Variants in SYTL3 observed in about 807,000 individuals in gnomAD.
The protein encoded by SYTL3 is synaptotagmin like 3, also known as synaptotagmin-like protein 3.
Under a neutral mutation model 82.1 loss-of-function variants are expected in SYTL3, and 88 were observed. The ratio of observed to expected loss-of-function variants is 1.07; its 90% confidence interval spans 0.90 to 1.28. The LOEUF is 1.28. SYTL3 is among the 50% of genes most tolerant of loss of function. The pLI is 0.00. For synonymous variants in SYTL3, 311 were observed against 289.4 expected, an observed-to-expected ratio of 1.07 and a Z score of -0.76; for missense variants, 831 against 757.6, an observed-to-expected ratio of 1.10 and a Z score of -1.14.
At chr6:158,702,795 T>C (rs973588427) in intron 6 of SYTL3, among the ~76,000 whole-genome samples, 1 of 151,974 alleles carries the variant, frequency 6.6e-6, no homozygotes, top group Non-Finnish European at 1.5e-5. Flanking sequence ...CAAAATCCGT[T>C]TTGTCACTTG....
At chr6:158,727,194 A>G (rs113430886) in intron 11 of SYTL3, among the ~76,000 whole-genome samples, 8,363 of 150,736 alleles carry the variant, frequency 0.055, 274 homozygotes, top group Middle Eastern at 0.072. Flanking sequence ...ATTTTTTGAG[A>G]TGGAGTCTTA....
chr6:158,739,994 C>CTTTT (rs35026438), intron 11 of SYTL3, among the ~76,000 whole-genome samples: 13,558 of 104,972 alleles, frequency 0.13, 1,164 homozygotes, highest in Non-Finnish European at 0.17. Context: ...AGGCAACTTA[C>CTTTT]TTTTTTTTTT....
chr6:158,730,628 G>A (rs186012056), intron 11 of SYTL3, among the ~76,000 whole-genome samples: 46 of 152,242 alleles, frequency 3.0e-4, no homozygotes, highest in Admixed American at 2.2e-3. Context: ...TCAGCAACGC[G>A]GAAAGAAAGC....
At chr6:158,763,958 C>T (rs1273746408) in intron 17 of SYTL3, among the ~76,000 whole-genome samples, 1 of 152,248 alleles carries the variant, frequency 6.6e-6, no homozygotes, top group Non-Finnish European at 1.5e-5. Flanking sequence ...CTGTGCCTGG[C>T]ACTGCTTCTG....
intron 6 of SYTL3, among the ~76,000 whole-genome samples, chr6:158,704,909 A>G (rs13210619): frequency 0.12 from 1,537 of 13,304 alleles, 37 homozygotes; most frequent in African/African-American, 0.23. Context: ...GGAGGGACCC[A>G]GGGCAGGGTG....
In SYTL3 at chr6:158,707,317, C is replaced by T. The variant is rs781362173; in HGVS notation, c.446+36C>T. Reference sequence around the variant, plus strand: ...CAAAGGACAGACCGTCCCTGGCCCTCCGGGGCAGGAGCGCAGAGGACACTC... The same window carrying T: ...CAAAGGACAGACCGTCCCTGGCCCTTCGGGGCAGGAGCGCAGAGGACACTC... On this transcript the variant is annotated intron_variant, in intron 7 of 17. Transcript: ENST00000611299. The T allele has an allele frequency of 1.1e-5, 18 of 1,604,236 alleles. No individual in the cohort carries two copies. In the East Asian group the frequency reaches 3.8e-4, roughly 34 times the overall value.
chr6:158,649,927 C>T (rs1290266298), upstream of SYTL3: 5 of 152,078 alleles, frequency 3.3e-5, no homozygotes, highest in African/African-American at 7.3e-5. Context: ...GAGTAGCCAC[C>T]GAGGCATGTA....
At chr6:158,683,551 A>G (rs577515730) in intron 6 of SYTL3, among the ~76,000 whole-genome samples, 2 of 152,268 alleles carry the variant, frequency 1.3e-5, no homozygotes, top group South Asian at 4.1e-4. Flanking sequence ...CTCGTGCACT[A>G]CAAGGTTTCC....
chr6:158,719,010 T>C (rs1783753731), intron 10 of SYTL3, among the ~76,000 whole-genome samples: 1 of 152,200 alleles, frequency 6.6e-6, no homozygotes. Context: ...ACACAGCCTC[T>C]TGAGAGTTCA....
chr6:158,693,450 C>T (rs553196074), intron 6 of SYTL3, among the ~76,000 whole-genome samples: 6 of 152,060 alleles, frequency 3.9e-5, no homozygotes, highest in Non-Finnish European at 7.4e-5. Flanking sequence ...TGCAGTGGTG[C>T]GATCTTGGCT....
intron 5 of SYTL3, among the ~76,000 whole-genome samples, chr6:158,680,751 CA>C (rs892828468): frequency 1.1e-4 from 17 of 151,856 alleles, no homozygotes; most frequent in Non-Finnish European, 2.5e-4. Flanking sequence ...GACCCTGTCT[CA>C]AAAAAAATTA....
At chr6:158,747,514 A>T (rs1787824623) in intron 12 of SYTL3, among the ~76,000 whole-genome samples, 1 of 152,098 alleles carries the variant, frequency 6.6e-6, no homozygotes, top group South Asian at 2.1e-4. Context: ...ACAGGAGTGG[A>T]GTGCAATGGC....
intron 6 of SYTL3, among the ~76,000 whole-genome samples, chr6:158,692,474 C>G (rs747964729): frequency 1.6e-4 from 24 of 151,786 alleles, no homozygotes; most frequent in Admixed American, 1.3e-4. Context: ...GGAAAATGAC[C>G]TTTATCCCTC....
At chr6:158,655,133 A>G (rs146734451) in intron 2 of SYTL3, among the ~76,000 whole-genome samples, 1 of 152,224 alleles carries the variant, frequency 6.6e-6, no homozygotes, top group East Asian at 1.9e-4. Context: ...TATTCAAGCT[A>G]TGAGATTGTG....
chr6:158,762,338 C>T (rs1488502750), intron 16 of SYTL3, among the ~76,000 whole-genome samples, 160 bp downstream of exon 16: 1 of 151,992 alleles, frequency 6.6e-6, no homozygotes, highest in South Asian at 2.1e-4. Flanking sequence ...CCCTGATTTC[C>T]AAAAATTCAC....
intron 5 of SYTL3, among the ~76,000 whole-genome samples, chr6:158,677,670 A>G (rs1778203947): frequency 7.4e-6 from 1 of 135,966 alleles, no homozygotes; most frequent in Non-Finnish European, 1.5e-5. Flanking sequence ...ATGTCATTGC[A>G]CTCCAGCCTG....
chr6:158,649,614 C>G (rs1291428719), upstream of SYTL3, among the ~76,000 whole-genome samples: 1 of 152,252 alleles, frequency 6.6e-6, no homozygotes, highest in Admixed American at 6.5e-5. Flanking sequence ...GATTTCATTA[C>G]AATCTTCATC....
At chr6:158,762,363 C>T (rs1043917244) in intron 16 of SYTL3, among the ~76,000 whole-genome samples, 185 bp downstream of exon 16, 2 of 152,034 alleles carry the variant, frequency 1.3e-5, no homozygotes, top group South Asian at 4.1e-4. Flanking sequence ...TGTGTACATG[C>T]TGGAGTACTC....
chr6:158,763,331 ACTGAGACTGAAGTCGCCAGTC>A lies in SYTL3; in HGVS notation c.1551_1571del (p.Leu518_Arg524del). 1.9e-6 allele frequency: 3 copies of A among 1,614,210 alleles called. No individual in the cohort carries two copies. The highest frequency in any genetic ancestry group is 2.5e-6 in the Non-Finnish European group (3 of 1,180,046). On this transcript the variant is annotated inframe_deletion, in exon 17 of 18. Transcript: ENST00000611299. ...GTCTCACTCTGCCAGACCAACAAAA[ACTGAGACTGAAGTCGCCAGTC>A]CTGAGGAAGCAGGCTTGCCCCCAGT...
Sources: gnomAD v4.1 joint callset for allele counts (sites outside exome capture counted in the v4.1 genomes callset) on GRCh38, gnomAD v4.1.1 for gene constraint, MANE v1.5 for transcripts, NCBI Gene and HGNC (gene_info 2026-07-23, HGNC 2026-07-21) for gene names.